Variants in XPNPEP3 observed in about 807,000 individuals in gnomAD.
XPNPEP3 encodes X-prolyl aminopeptidase 3.
Under a neutral mutation model 60.0 loss-of-function variants are expected in XPNPEP3, and 41 were observed. The observed-to-expected ratio is 0.68, with a 90% CI of 0.53 to 0.89. The LOEUF (loss-of-function observed/expected upper bound fraction) is 0.89. XPNPEP3 is among the 40% of genes least tolerant of loss of function. The probability of loss-of-function intolerance (pLI) is 0.00; values close to 1 mark genes in which losing one functional copy is unlikely to be tolerated. For missense variants in XPNPEP3, 598 were observed against 638.9 expected (o/e 0.94, Z 0.69); for synonymous variants, 212 against 223.2 (o/e 0.95, Z 0.45).
At chr22:40,912,147 ATAT>A (rs1300716744) in intron 6 of XPNPEP3, among the ~76,000 whole-genome samples, 7 of 152,172 alleles carry the variant, frequency 4.6e-5, no homozygotes, top group Non-Finnish European at 8.8e-5. Flanking sequence ...AATTTAATAA[ATAT>A]TATAAAATTT....
At chr22:40,907,954 C>T (rs1439692703) in intron 5 of XPNPEP3, among the ~76,000 whole-genome samples, 1 of 152,198 alleles carries the variant, frequency 6.6e-6, no homozygotes, top group African/African-American at 2.4e-5. Flanking sequence ...GAGCTCATGC[C>T]TGTAATCCCA....
rs1164297545 is a variant in XPNPEP3 at position 40,857,185 on chromosome 22, C to T, written c.4C>T (p.Pro2Ser). M[P>S]WLLSAPKLVP... ...CCGACGCGTGAGTTAGGCCGTAATG[C>T]CTTGGCTGCTCTCAGCCCCCAAGCT... The change falls in exon 1 of 10, where the codon CCT (proline) becomes TCT (serine). Residue 2 changes from proline to serine, a missense_variant. Transcript: ENST00000357137. 7 of 1,614,202 alleles carry T rather than the reference C, an allele frequency of 4.3e-6. No individual in the cohort carries two copies. Among genetic ancestry groups the T allele is most frequent in the Non-Finnish European group, 5.9e-6 (7 of 1,180,036 alleles).
chr22:40,872,024 C>T (rs553181386), intron 2 of XPNPEP3, among the ~76,000 whole-genome samples: 2 of 152,286 alleles, frequency 1.3e-5, no homozygotes, highest in East Asian at 3.9e-4. Context: ...CAGAGTGAGA[C>T]TTTGTCTCAA....
intron 3 of XPNPEP3, among the ~76,000 whole-genome samples, chr22:40,885,960 C>T (rs1176105910): frequency 6.6e-6 from 1 of 151,928 alleles, no homozygotes; most frequent in African/African-American, 2.4e-5. Flanking sequence ...CCAGCCTGGG[C>T]AACAGAGCAA....
chr22:40,898,096 T>G (rs2058116124), intron 4 of XPNPEP3, among the ~76,000 whole-genome samples: 1 of 148,296 alleles, frequency 6.7e-6, no homozygotes, highest in Non-Finnish European at 1.5e-5. Context: ...TAAAGTCCAG[T>G]TTTTTTGTTG....
chr22:40,870,136 T>C (rs1036943107), intron 2 of XPNPEP3: 3 of 469,754 alleles, frequency 6.4e-6, no homozygotes, highest in Non-Finnish European at 4.4e-6. Context: ...TTCAAAGCTG[T>C]AAGGTAAGCT....
rs535953245 is a variant in XPNPEP3, at chr22:40,877,241, ACACT to A, written c.182-4528_182-4525del. Among the ~76,000 whole-genome samples the A allele has an allele frequency of 8.5e-5, 13 of 152,308 alleles. No individual in the cohort carries two copies. In the South Asian group the frequency reaches 2.7e-3, roughly 32 times the overall value. ...AGGCCTGTTTTACATTATAAAGGAA[ACACT>A]AGCTTTTTCTTTCACCCCATTCTCC... On this transcript the variant is annotated intron_variant, in intron 2 of 9. Coordinates refer to ENST00000357137, the MANE Select transcript of XPNPEP3 (RefSeq NM_022098.4).
intron 9 of XPNPEP3, 45 bp from the exon 10 acceptor site, chr22:40,926,224 G>C: frequency 1.2e-6 from 2 of 1,612,630 alleles, no homozygotes; most frequent in Non-Finnish European, 1.7e-6. Flanking sequence ...AAACCACCCA[G>C]TTACTATCAT....
chr22:40,886,752 G>A (rs1472666044), intron 4 of XPNPEP3, among the ~76,000 whole-genome samples: 3 of 151,040 alleles, frequency 2.0e-5, no homozygotes, highest in Non-Finnish European at 4.4e-5. Flanking sequence ...GTGTGAACCC[G>A]GGAGGCAGAG....
At chr22:40,857,340 G>C in intron 1 of XPNPEP3, 95 bp downstream of exon 1, 1 of 1,387,928 alleles carries the variant, frequency 7.2e-7, no homozygotes, top group East Asian at 2.4e-5. Context: ...CCCTTCTCCT[G>C]GTGGGGCCTC....
intron 4 of XPNPEP3, among the ~76,000 whole-genome samples, chr22:40,901,066 G>A (rs1370266061): frequency 2.0e-5 from 3 of 151,832 alleles, no homozygotes; most frequent in Admixed American, 2.0e-4. Context: ...AGCAGCCTGG[G>A]CAACATAGTG....
chr22:40,898,965 T>G (rs1204071900), intron 4 of XPNPEP3, among the ~76,000 whole-genome samples: 1 of 152,182 alleles, frequency 6.6e-6, no homozygotes, highest in Non-Finnish European at 1.5e-5. Flanking sequence ...GCCCCTCCCT[T>G]CATCCATTTT....
intron 2 of XPNPEP3, among the ~76,000 whole-genome samples, chr22:40,871,715 C>G (rs2058006615): frequency 6.6e-6 from 1 of 152,116 alleles, no homozygotes; most frequent in Non-Finnish European, 1.5e-5. Flanking sequence ...GCATATTGCT[C>G]TATTATTTCC....
intron 4 of XPNPEP3, among the ~76,000 whole-genome samples, chr22:40,897,120 C>T (rs1410896874): frequency 2.0e-5 from 3 of 151,256 alleles, no homozygotes; most frequent in South Asian, 2.1e-4. Context: ...CAGGCTCCGC[C>T]GGGTTCACGC....
chr22:40,922,331 A>G lies in XPNPEP3; in HGVS notation c.1056-2A>G. The G allele has an allele frequency of 6.2e-7, 1 of 1,613,818 alleles. No homozygotes were observed. The highest frequency in any genetic ancestry group is 8.5e-7 in the Non-Finnish European group (1 of 1,179,818). Reference sequence around the variant, plus strand: ...CAGGTTCTTTGGTTTTCCCGTCCCCAGGTTCACCGCACCTCAGGCAGAACT... The same window carrying G: ...CAGGTTCTTTGGTTTTCCCGTCCCCGGGTTCACCGCACCTCAGGCAGAACT... On this transcript the variant is annotated splice_acceptor_variant, in intron 7 of 9. Coordinates refer to ENST00000357137, the MANE Select transcript of XPNPEP3 (RefSeq NM_022098.4). LOFTEE classifies it high-confidence loss of function.
intron 1 of XPNPEP3, chr22:40,862,815 G>A (rs1239653584): frequency 1.5e-5 from 14 of 943,772 alleles, no homozygotes; most frequent in Admixed American, 6.2e-5. Flanking sequence ...GCCAGGCACC[G>A]TTTTAGCCAC....
At chr22:40,911,269 T>G (rs2058176128) in intron 6 of XPNPEP3, among the ~76,000 whole-genome samples, 1 of 152,100 alleles carries the variant, frequency 6.6e-6, no homozygotes, top group African/African-American at 2.4e-5. Flanking sequence ...TTAATAATAC[T>G]TAGTTTAGGA....
In XPNPEP3 at chr22:40,928,432, C is replaced by G. The variant is rs188197558; in HGVS notation, c.*1997C>G. 2.6e-5 allele frequency: 4 copies of G among 152,364 alleles called. No homozygotes were observed. The East Asian group carries it at 7.7e-4, about 29-fold the overall frequency. 9.4% of individuals were successfully genotyped at this position (152,364 alleles called of 1,614,324 possible). On this transcript the variant is annotated 3_prime_UTR_variant, in exon 10 of 10. Transcript: ENST00000357137. ...CTGTTGCCCAGGCCGGTCTCAAACT[C>G]CTGAGCTCCGGCAATCCGCCCACCT...
chr22:40,873,461 A>T (rs1042477677), intron 2 of XPNPEP3, among the ~76,000 whole-genome samples: 3 of 152,058 alleles, frequency 2.0e-5, no homozygotes, highest in Non-Finnish European at 4.4e-5. Flanking sequence ...ATCAGAATGC[A>T]ACTGTGTGGC....
Sources: allele counts gnomAD v4.1 joint callset (sites outside exome capture counted in the v4.1 genomes callset), GRCh38; gene constraint gnomAD v4.1.1; transcripts MANE v1.5; gene names NCBI Gene and HGNC (gene_info 2026-07-23, HGNC 2026-07-21).